CLEC16A: variants seen among roughly 807,000 people sequenced by gnomAD.
The protein encoded by CLEC16A is C-type lectin domain containing 16A.
Under a neutral mutation model 109.5 loss-of-function variants are expected in CLEC16A, and 51 were observed. The ratio of observed to expected loss-of-function variants is 0.47; its 90% CI spans 0.37 to 0.59. CLEC16A has a LOEUF of 0.59. Among genes scored for constraint, CLEC16A ranks in the 20% least tolerant of loss-of-function variants. The pLI is 0.00. For missense variants in CLEC16A, 1,339 were observed against 1,394.0 expected, an observed-to-expected ratio of 0.96 and a Z score of 0.63; for synonymous variants, 673 against 564.2, an observed-to-expected ratio of 1.19 and a Z score of -2.73.
intron 10 of CLEC16A, among the ~76,000 whole-genome samples, chr16:10,988,826 T>C (rs776202752): frequency 9.9e-5 from 15 of 152,190 alleles, no homozygotes; most frequent in Non-Finnish European, 1.6e-4. Flanking sequence ...TTAAGTGCCG[T>C]GTAAAGTGCT....
rs762475999 is a variant in CLEC16A, at chr16:11,178,447, C to A, written c.2919C>A (p.Ala973=). The change falls in exon 24 of 24, where the codon GCC becomes GCA. Residue 973 remains alanine, a synonymous_variant. Transcript: ENST00000409790. The surrounding 1 kb of genome is among the most constrained non-coding windows in gnomAD (Gnocchi z 6.5). ...KPSKNVARSA[A]VETASLSPSL... ...GCAAGAACGTGGCCAGGAGCGCAGCCGTGGAGACAGCCAGCCTGTCCCCCA... is the reference window on the plus strand; with the variant it reads ...GCAAGAACGTGGCCAGGAGCGCAGCAGTGGAGACAGCCAGCCTGTCCCCCA... 6.2e-7 allele frequency: 1 copy of A among 1,613,446 alleles called. No homozygotes were observed. The highest frequency in any genetic ancestry group is 8.5e-7 in the Non-Finnish European group (1 of 1,179,904).
intron 1 of CLEC16A, 95 bp downstream of exon 1, chr16:10,944,892 G>C: frequency 8.2e-7 from 1 of 1,218,430 alleles, no homozygotes. Context: ...TGAGAGCGGC[G>C]GCGAAGGGCG....
At chr16:11,042,516 C>T (rs2047395446) in intron 15 of CLEC16A, among the ~76,000 whole-genome samples, 153 bp downstream of exon 15, 1 of 152,232 alleles carries the variant, frequency 6.6e-6, no homozygotes, top group Non-Finnish European at 1.5e-5. Flanking sequence ...AGACCCCACT[C>T]CAACCTACTT....
intron 1 of CLEC16A, among the ~76,000 whole-genome samples, chr16:10,948,047 C>T (rs553013029): frequency 2.0e-3 from 309 of 152,200 alleles, no homozygotes; most frequent in African/African-American, 7.1e-3. Flanking sequence ...GCGCCCGCCA[C>T]CACGCCCAGC....
At chr16:10,994,326 C>T (rs2044206019) in intron 10 of CLEC16A, among the ~76,000 whole-genome samples, 3 of 152,292 alleles carry the variant, frequency 2.0e-5, no homozygotes. Flanking sequence ...CACAGCTCCA[C>T]GCGGCTCCTG....
At chr16:11,142,991 A>G (rs2053907371) in intron 22 of CLEC16A, among the ~76,000 whole-genome samples, 1 of 152,152 alleles carries the variant, frequency 6.6e-6, no homozygotes. Flanking sequence ...TTGTATTTTT[A>G]GTAGAAATGG....
At chr16:11,022,525 C>T (rs2046171028) in intron 12 of CLEC16A, among the ~76,000 whole-genome samples, 3 of 151,634 alleles carry the variant, frequency 2.0e-5, no homozygotes, top group Non-Finnish European at 4.4e-5. Context: ...GTCCACTTGC[C>T]CCAAGAAACA....
intron 19 of CLEC16A, among the ~76,000 whole-genome samples, chr16:11,092,660 C>A (rs1157710311): frequency 6.6e-6 from 1 of 152,146 alleles, no homozygotes; most frequent in Non-Finnish European, 1.5e-5. Context: ...AGTTCCTGTC[C>A]CCAAAACTTT....
At chr16:11,111,535 G>A (rs1217369205) in intron 19 of CLEC16A, among the ~76,000 whole-genome samples, 1 of 152,250 alleles carries the variant, frequency 6.6e-6, no homozygotes, top group Non-Finnish European at 1.5e-5. Flanking sequence ...ACCACTTGAT[G>A]GGAGGAGAGT....
chr16:10,979,830 G>A (rs1007819461), intron 9 of CLEC16A, among the ~76,000 whole-genome samples: 2 of 152,074 alleles, frequency 1.3e-5, no homozygotes, highest in African/African-American at 4.8e-5. Flanking sequence ...GCTTTATCGC[G>A]GTTCTAGTTC....
At chr16:11,106,695 G>C (rs2051243840) in intron 19 of CLEC16A, among the ~76,000 whole-genome samples, 1 of 151,870 alleles carries the variant, frequency 6.6e-6, no homozygotes, top group African/African-American at 2.4e-5. Context: ...AGGTGAGGAA[G>C]TGAATCTTTT....
At chr16:11,088,615 C>T (rs1466259425) in intron 19 of CLEC16A, among the ~76,000 whole-genome samples, 5 of 152,208 alleles carry the variant, frequency 3.3e-5, no homozygotes, top group African/African-American at 1.2e-4. Context: ...GCACCAGGCC[C>T]CCAGCCACGC....
chr16:11,019,492 G>A (rs2045965349), intron 11 of CLEC16A, among the ~76,000 whole-genome samples: 1 of 152,252 alleles, frequency 6.6e-6, no homozygotes, highest in Non-Finnish European at 1.5e-5. Flanking sequence ...CTTTAGGCCA[G>A]ACATGGTGGC....
intron 22 of CLEC16A, among the ~76,000 whole-genome samples, chr16:11,155,504 G>C (rs2054476692): frequency 6.6e-6 from 1 of 152,236 alleles, no homozygotes; most frequent in Non-Finnish European, 1.5e-5. Flanking sequence ...ATGTCCCACA[G>C]GTCTGCCAGG....
chr16:11,104,506 G>T (rs1164000975), intron 19 of CLEC16A, among the ~76,000 whole-genome samples: 2 of 152,156 alleles, frequency 1.3e-5, no homozygotes, highest in Admixed American at 6.5e-5. Flanking sequence ...AGAATACCCT[G>T]GGCCAGGATC....
chr16:11,068,865 A>C (rs1024600915), intron 19 of CLEC16A, among the ~76,000 whole-genome samples: 3 of 152,132 alleles, frequency 2.0e-5, no homozygotes, highest in Non-Finnish European at 4.4e-5. Flanking sequence ...TCTAGGCTGG[A>C]GTGCAGAGGC....
chr16:11,172,007 C>T (rs1412324041), intron 23 of CLEC16A, among the ~76,000 whole-genome samples: 2 of 152,142 alleles, frequency 1.3e-5, no homozygotes, highest in African/African-American at 2.4e-5. Flanking sequence ...GGCATACACA[C>T]ACTCACACTT....
At chr16:10,987,353 T>G (rs1034329553) in intron 10 of CLEC16A, among the ~76,000 whole-genome samples, 87 of 152,128 alleles carry the variant, frequency 5.7e-4, no homozygotes, top group African/African-American at 2.1e-3. Flanking sequence ...AAACTGCGGG[T>G]TACTGGCAAC....
chr16:11,157,417 G>A (rs1364554417), intron 22 of CLEC16A, among the ~76,000 whole-genome samples: 1 of 152,218 alleles, frequency 6.6e-6, no homozygotes, highest in South Asian at 2.1e-4. Context: ...CCATTTGGGG[G>A]CAAGTCCTTC....
Sources: gnomAD v4.1 joint callset for allele counts (sites outside exome capture counted in the v4.1 genomes callset) on GRCh38, gnomAD v4.1.1 for gene constraint, Gnocchi (gnomAD v3.1) non-coding constraint, MANE v1.5 for transcripts, NCBI Gene and HGNC (gene_info 2026-07-23, HGNC 2026-07-21) for gene names.